CADM2: variants seen among roughly 807,000 people sequenced by gnomAD.
CADM2 encodes the protein immunoglobulin superfamily member 4D.
CADM2 carries 12 observed loss-of-function variants against 49.8 expected under a neutral mutation model. The observed-to-expected ratio is 0.24, with a 90% CI of 0.15 to 0.39. The LOEUF (loss-of-function observed/expected upper bound fraction) is 0.39. CADM2 is among the 10% of genes least tolerant of loss of function. The pLI, the probability that CADM2 is intolerant of heterozygous loss-of-function variation, is 1.00. For missense variants in CADM2, 378 were observed against 492.3 expected (o/e 0.77, Z 2.20); for synonymous variants, 214 against 175.4 (o/e 1.22, Z -1.74).
At chr3:85,921,754 ATCTC>A (rs147793987) in intron 6 of CADM2, among the ~76,000 whole-genome samples, 13 of 148,074 alleles carry the variant, frequency 8.8e-5, no homozygotes, top group East Asian at 4.0e-4. Context: ...ATCTACTGTT[ATCTC>A]TCTCTCTCTC....
chr3:85,556,467 A>G (rs1415826520), intron 1 of CADM2, among the ~76,000 whole-genome samples: 1 of 152,160 alleles, frequency 6.6e-6, no homozygotes, highest in Non-Finnish European at 1.5e-5. Context: ...ACTACACTGT[A>G]ATCTTCAAAT....
rs373428730 is a variant in CADM2 at position 85,344,146 on chromosome 3, C to T, written c.62-382376C>T. On this transcript the variant is annotated intron_variant, in intron 1 of 9. Transcript: ENST00000383699. ...ATCCCAGAACTTTGGGGGGCCGAGG[C>T]GGGCAGATCACGAAGTCAGGAGATC... is the stretch of plus-strand genomic sequence containing the variant. 2.8e-4 allele frequency among the ~76,000 whole-genome samples: 43 copies of T among 151,724 alleles called. No homozygotes were observed. The East Asian group carries it at 4.1e-3, about 14-fold the overall frequency.
At chr3:85,981,108 G>A (rs759876306) in intron 8 of CADM2, among the ~76,000 whole-genome samples, 11 of 149,928 alleles carry the variant, frequency 7.3e-5, no homozygotes, top group African/African-American at 1.7e-4. Flanking sequence ...GTGGTCTTCC[G>A]GTCTTTTGAA....
chr3:85,755,969 G>T (rs1486519296), intron 2 of CADM2, among the ~76,000 whole-genome samples: 2 of 152,136 alleles, frequency 1.3e-5, no homozygotes, highest in Non-Finnish European at 2.9e-5. Flanking sequence ...GGGGCTGAAA[G>T]TTCCAAACCT....
intron 8 of CADM2, among the ~76,000 whole-genome samples, chr3:86,051,194 A>G (rs1489559917): frequency 1.3e-5 from 2 of 151,972 alleles, no homozygotes; most frequent in Admixed American, 6.6e-5. Flanking sequence ...GATACCTTAC[A>G]TCAACACTCT....
intron 8 of CADM2, among the ~76,000 whole-genome samples, chr3:86,037,807 T>C (rs1735351514): frequency 6.6e-6 from 1 of 152,202 alleles, no homozygotes; most frequent in African/African-American, 2.4e-5. Context: ...CTAAGAGTTC[T>C]GTTAAGTTGT....
At chr3:86,054,596 C>T (rs542652842) in intron 8 of CADM2, among the ~76,000 whole-genome samples, 9 of 152,076 alleles carry the variant, frequency 5.9e-5, no homozygotes, top group South Asian at 2.1e-4. Flanking sequence ...AGTCTATAAA[C>T]GATCTCATTG....
At chr3:85,332,525 T>C (rs950062388) in intron 1 of CADM2, among the ~76,000 whole-genome samples, 3 of 151,936 alleles carry the variant, frequency 2.0e-5, no homozygotes, top group African/African-American at 7.3e-5. Flanking sequence ...AGAGAATTAC[T>C]GAAATTCACT....
intron 1 of CADM2, among the ~76,000 whole-genome samples, chr3:85,709,725 C>G (rs2067058846): frequency 6.6e-6 from 1 of 152,124 alleles, no homozygotes; most frequent in South Asian, 2.1e-4. Context: ...ATGCTCCTAT[C>G]ATGACTGATG....
chr3:85,862,080 T>C (rs974035037), intron 3 of CADM2, among the ~76,000 whole-genome samples: 1 of 152,148 alleles, frequency 6.6e-6, no homozygotes, highest in African/African-American at 2.4e-5. Flanking sequence ...TTCTCAGAGC[T>C]ATTTTCACTA....
At chr3:86,043,049 G>A (rs147634332) in intron 8 of CADM2, among the ~76,000 whole-genome samples, 82 of 151,980 alleles carry the variant, frequency 5.4e-4, no homozygotes, top group Non-Finnish European at 2.4e-4. Context: ...CTAAAAACTC[G>A]CAATAAATTA....
intron 7 of CADM2, among the ~76,000 whole-genome samples, chr3:85,960,145 C>G (rs1280981933): frequency 1.3e-5 from 2 of 152,000 alleles, no homozygotes; most frequent in East Asian, 3.9e-4. Flanking sequence ...TGATCAGTTC[C>G]ATTAACACTG....
intron 1 of CADM2, among the ~76,000 whole-genome samples, chr3:85,442,174 A>G (rs572088561): frequency 7.9e-5 from 12 of 152,152 alleles, no homozygotes; most frequent in Non-Finnish European, 1.6e-4. Context: ...TAGTCATCTC[A>G]GTATTATATT....
At chr3:85,996,538 T>G (rs1457054584) in intron 8 of CADM2, among the ~76,000 whole-genome samples, 1 of 152,034 alleles carries the variant, frequency 6.6e-6, no homozygotes, top group Non-Finnish European at 1.5e-5. Flanking sequence ...AACAGTTAAT[T>G]TAGAAAATCA....
intron 1 of CADM2, among the ~76,000 whole-genome samples, chr3:85,063,983 A>T (rs1231607213): frequency 2.0e-5 from 3 of 152,038 alleles, no homozygotes. Flanking sequence ...AGTCATCAAG[A>T]TATTGCTGCT....
At chr3:85,772,105 G>A (rs2107956990) in intron 2 of CADM2, among the ~76,000 whole-genome samples, 1 of 150,834 alleles carries the variant, frequency 6.6e-6, no homozygotes, top group South Asian at 2.1e-4. Flanking sequence ...AATATCGTGG[G>A]GAGAAAATAA....
chr3:85,966,702 G>C (rs544013373), intron 8 of CADM2, among the ~76,000 whole-genome samples: 38 of 151,568 alleles, frequency 2.5e-4, no homozygotes, highest in African/African-American at 8.4e-4. Context: ...TTATATTTCT[G>C]TCCTGCTAAT....
intron 1 of CADM2, among the ~76,000 whole-genome samples, chr3:85,311,364 T>TTTATTA (rs199621915): frequency 2.7e-5 from 4 of 148,182 alleles, no homozygotes; most frequent in East Asian, 2.0e-4. Context: ...TTTATTTATA[T>TTTATTA]TTATTATTAT....
chr3:85,119,384 G>C (rs539965134), intron 1 of CADM2, among the ~76,000 whole-genome samples: 2 of 152,292 alleles, frequency 1.3e-5, no homozygotes, highest in African/African-American at 4.8e-5. Flanking sequence ...GTACCATGCT[G>C]TTTTGGTTAC....
Sources: allele counts gnomAD v4.1 joint callset (sites outside exome capture counted in the v4.1 genomes callset), GRCh38; gene constraint gnomAD v4.1.1; transcripts MANE v1.5; gene names NCBI Gene and HGNC (gene_info 2026-07-23, HGNC 2026-07-21).